LRIG1: variants seen among roughly 807,000 people sequenced by gnomAD.
LRIG1 encodes the protein leucine rich repeats and immunoglobulin like domains 1.
A neutral mutation model predicts 99.2 loss-of-function variants in LRIG1; 48 were observed. That is an observed-to-expected ratio of 0.48 (90% CI 0.38 to 0.62). LRIG1 has a LOEUF of 0.62. Among genes scored for constraint, LRIG1 ranks in the 20% least tolerant of loss-of-function variants. The probability of loss-of-function intolerance (pLI) is 0.00; values close to 1 mark genes in which losing one functional copy is unlikely to be tolerated. For missense variants in LRIG1, 1,646 were observed against 1,434.4 expected, an observed-to-expected ratio of 1.15 and a Z score of -2.38; for synonymous variants, 772 against 596.1, an observed-to-expected ratio of 1.29 and a Z score of -4.30.
At chr3:66,417,402 C>G (rs1702648326) in intron 3 of LRIG1, 136 bp from the exon 4 acceptor site, 2 of 907,460 alleles carry the variant, frequency 2.2e-6, no homozygotes, top group Non-Finnish European at 3.4e-6. Context: ...TCTCCTGTTT[C>G]TTTTCCCATC....
intron 3 of LRIG1, among the ~76,000 whole-genome samples, chr3:66,420,294 A>T (rs935013144): frequency 1.3e-5 from 2 of 152,192 alleles, no homozygotes; most frequent in Admixed American, 6.5e-5. Flanking sequence ...AAACAAAACA[A>T]AAAAACAAAC....
At position 66,462,474 on chromosome 3, in the gene LRIG1, G is replaced by A. The variant is rs1328336563; in HGVS notation, c.254C>T (p.Pro85Leu). The A allele has an allele frequency of 6.2e-7, 1 of 1,612,916 alleles. No homozygotes were observed. The highest frequency in any genetic ancestry group is 1.7e-5 in the Admixed American group (1 of 59,860). The stretch of plus-strand genomic sequence containing the variant: ...GTTCGGCAAGTCCTCAAAACCAGCA[G>A]GGTCAATCTCAGAGAGTTTGTTGTA... ...LSYNKLSEID[P>L]AGFEDLPNLQ... The change falls in exon 2 of 19, where the codon CCT (proline) becomes CTT (leucine). Residue 85 changes from proline to leucine, a missense_variant. Transcript: ENST00000273261.
chr3:66,383,245 G>C lies in LRIG1; in HGVS notation c.2228C>G (p.Pro743Arg). The C allele has an allele frequency of 6.2e-7, 1 of 1,614,252 alleles. No individual in the cohort carries two copies. The highest frequency in any genetic ancestry group is 8.5e-7 in the Non-Finnish European group (1 of 1,180,048). ...LSLTERHHLT[P>R]DNQLLVVQNV... ...CTGAACCACCAGGAGCTGGTTGTCA[G>C]GGGTCAAGTGGTGCCGCTCAGTGAG... The change falls in exon 15 of 19, where the codon CCT becomes CGT. Residue 743 changes from proline to arginine, a missense_variant. Physicochemically the swap from Pro to Arg is moderately radical, Grantham distance 103. Transcript: ENST00000273261.
chr3:66,477,232 TG>T (rs1228090340), intron 1 of LRIG1, among the ~76,000 whole-genome samples: 2 of 30,534 alleles, frequency 6.6e-5, no homozygotes, highest in East Asian at 2.1e-3. Context: ...ACTTAACAGC[TG>T]GTTTTTTTAA....
chr3:66,476,108 T>C (rs1432623232), intron 1 of LRIG1, among the ~76,000 whole-genome samples: 1 of 152,160 alleles, frequency 6.6e-6, no homozygotes. Context: ...CTGAGGACAA[T>C]GAAGAGGTGG....
intron 1 of LRIG1, among the ~76,000 whole-genome samples, chr3:66,479,878 G>A (rs569681158): frequency 6.6e-6 from 1 of 152,294 alleles, no homozygotes; most frequent in Non-Finnish European, 1.5e-5. Flanking sequence ...AGCTTCTCCA[G>A]GAAACAGTCT....
At chr3:66,385,599 T>C (rs1363282155) in intron 13 of LRIG1, among the ~76,000 whole-genome samples, 1 of 152,156 alleles carries the variant, frequency 6.6e-6, no homozygotes, top group Non-Finnish European at 1.5e-5. Flanking sequence ...ATTACAGGCA[T>C]GTGCCACCAC....
At chr3:66,492,137 C>T (rs1701115111) in intron 1 of LRIG1, among the ~76,000 whole-genome samples, 1 of 152,298 alleles carries the variant, frequency 6.6e-6, no homozygotes, top group East Asian at 1.9e-4. Context: ...GAGACAAATG[C>T]TTTCAAACAA....
In LRIG1 at chr3:66,379,358, T is replaced by TAATA. The variant is rs958277502; in HGVS notation, c.*901_*904dup. 1 of 152,342 alleles carries TAATA rather than the reference T, an allele frequency of 6.6e-6. No individual in the cohort carries two copies. Among genetic ancestry groups the TAATA allele is most frequent in the African/African-American group, 2.4e-5 (1 of 41,428 alleles). The allele number at this position is 152,342 out of a possible 1,614,324, so 9.4% of individuals were successfully genotyped here. A position where few individuals can be genotyped will look rare whatever the true frequency, so the allele number is the denominator to read the frequency against. On this transcript the variant is annotated 3_prime_UTR_variant, in exon 19 of 19. Transcript: ENST00000273261. ...TCCTTTCTGTCCCCCAAGGCCAATG[T>TAATA]AATACTCATTATATTGGCAAAACGA...
intron 9 of LRIG1, among the ~76,000 whole-genome samples, chr3:66,404,828 C>G (rs1702202016): frequency 1.3e-5 from 2 of 152,198 alleles, no homozygotes; most frequent in African/African-American, 2.4e-5. Context: ...CGCCCTCACA[C>G]CTTACTGACC....
At chr3:66,388,899 G>C (rs1447595274) in intron 12 of LRIG1, among the ~76,000 whole-genome samples, 2 of 152,092 alleles carry the variant, frequency 1.3e-5, no homozygotes, top group African/African-American at 2.4e-5. Context: ...ACATCATATA[G>C]CAACTCCAAT....
intron 3 of LRIG1, among the ~76,000 whole-genome samples, chr3:66,444,233 C>T (rs995100114): frequency 2.0e-5 from 3 of 152,212 alleles, no homozygotes; most frequent in Non-Finnish European, 4.4e-5. Flanking sequence ...CTACAGCAGC[C>T]GGTGAAGGTC....
chr3:66,426,950 C>G (rs909636283), intron 3 of LRIG1, among the ~76,000 whole-genome samples: 1 of 152,230 alleles, frequency 6.6e-6, no homozygotes, highest in African/African-American at 2.4e-5. Flanking sequence ...CACAGTTTTA[C>G]TTCAAGATCA....
At chr3:66,396,265 G>A (rs1195362906) in intron 11 of LRIG1, among the ~76,000 whole-genome samples, 2 of 152,184 alleles carry the variant, frequency 1.3e-5, no homozygotes, top group Non-Finnish European at 2.9e-5. Context: ...AGGCAGTAGC[G>A]AGGATTCCAA....
At chr3:66,408,961 T>TGTGG (rs1434233261) in intron 7 of LRIG1, among the ~76,000 whole-genome samples, 18 of 8,082 alleles carry the variant, frequency 2.2e-3, no homozygotes, top group South Asian at 3.4e-3. Context: ...TGTGTGTGTG[T>TGTGG]GGTGGGGGGA....
intron 3 of LRIG1, among the ~76,000 whole-genome samples, chr3:66,420,353 T>C (rs1428238482): frequency 6.6e-6 from 1 of 152,196 alleles, no homozygotes; most frequent in East Asian, 1.9e-4. Flanking sequence ...AAACCCTGTA[T>C]GCCAGTGGTA....
intron 1 of LRIG1, among the ~76,000 whole-genome samples, chr3:66,496,093 T>A (rs1701220690): frequency 6.6e-6 from 1 of 152,234 alleles, no homozygotes; most frequent in Non-Finnish European, 1.5e-5. Flanking sequence ...TTCTTCATCT[T>A]TCTGAAGATG....
At chr3:66,394,763 G>A (rs544825882) in intron 11 of LRIG1, among the ~76,000 whole-genome samples, 22 of 152,352 alleles carry the variant, frequency 1.4e-4, no homozygotes, top group African/African-American at 4.6e-4. Context: ...ATTTGGCAAA[G>A]CTGCATGTTT....
At chr3:66,426,317 T>C (rs1380217678) in intron 3 of LRIG1, among the ~76,000 whole-genome samples, 1 of 152,170 alleles carries the variant, frequency 6.6e-6, no homozygotes, top group Non-Finnish European at 1.5e-5. Context: ...TATGTTCCAA[T>C]AAAACTTTAT....
Sources: gnomAD v4.1 joint callset for allele counts (sites outside exome capture counted in the v4.1 genomes callset) on GRCh38, gnomAD v4.1.1 for gene constraint, MANE v1.5 for transcripts, NCBI Gene and HGNC (gene_info 2026-07-23, HGNC 2026-07-21) for gene names.